The following SV2C variants were observed in gnomAD, a reference collection of about 807,000 sequenced individuals.
SV2C encodes the protein synaptic vesicle glycoprotein 2C.
SV2C carries 49 observed loss-of-function variants against 79.7 expected under a neutral mutation model. The observed-to-expected ratio is 0.61, with a 90% CI of 0.49 to 0.78. The LOEUF is 0.78. SV2C is among the 30% of genes least tolerant of loss of function. SV2C has a pLI of 0.00. For synonymous variants in SV2C, 334 were observed against 333.2 expected, an observed-to-expected ratio of 1.00 and a Z score of -0.03; for missense variants, 833 against 912.9, an observed-to-expected ratio of 0.91 and a Z score of 1.13.
At chr5:76,106,277 C>T (rs1235528032) in intron 1 of SV2C, among the ~76,000 whole-genome samples, 1 of 152,140 alleles carries the variant, frequency 6.6e-6, no homozygotes, top group African/African-American at 2.4e-5. Flanking sequence ...TTGCCACTCC[C>T]ACTGCTGTCT....
At chr5:75,896,213 C>G in the SV2C span, among the ~76,000 whole-genome samples, 5 of 136,580 alleles carry the variant, frequency 3.7e-5, no homozygotes, top group Admixed American at 1.5e-4. Context: ...TCCCTCCCCC[C>G]GCCCCCTACC....
the SV2C span, among the ~76,000 whole-genome samples, chr5:75,899,001 G>C: frequency 6.6e-6 from 1 of 151,608 alleles, no homozygotes; most frequent in East Asian, 1.9e-4. Context: ...CAATTTTGTT[G>C]ATCCTTTCAA....
chr5:76,097,841 A>T (rs1747614740), intron 1 of SV2C, among the ~76,000 whole-genome samples: 1 of 152,162 alleles, frequency 6.6e-6, no homozygotes, highest in Non-Finnish European at 1.5e-5. Context: ...CTTTCTGTGA[A>T]GGCAGTCACA....
chr5:76,274,588 T>A (rs113349869), intron 4 of SV2C, among the ~76,000 whole-genome samples: 5 of 152,148 alleles, frequency 3.3e-5, no homozygotes, highest in African/African-American at 9.7e-5. Flanking sequence ...TTATATGATA[T>A]TCCATTGTAA....
At chr5:75,940,114 G>A in the SV2C span, among the ~76,000 whole-genome samples, 2 of 152,156 alleles carry the variant, frequency 1.3e-5, no homozygotes, top group Non-Finnish European at 2.9e-5. Flanking sequence ...TCCAGTACAA[G>A]CACTATGCTT....
At chr5:76,003,822 G>T in the SV2C span, among the ~76,000 whole-genome samples, 68 of 152,140 alleles carry the variant, frequency 4.5e-4, 1 homozygote, top group Middle Eastern at 0.014. Flanking sequence ...GGGCCATAGG[G>T]TGTGGAGCTC....
At chr5:75,849,873 A>G in the SV2C span, among the ~76,000 whole-genome samples, 3 of 152,168 alleles carry the variant, frequency 2.0e-5, no homozygotes, top group Non-Finnish European at 2.9e-5. Flanking sequence ...TTTAGGACAT[A>G]GTATGCCTTT....
the SV2C span, chr5:75,921,600 C>G: frequency 1.0e-6 from 1 of 971,348 alleles, no homozygotes; most frequent in Non-Finnish European, 1.6e-6. Flanking sequence ...TAGGAGGTGA[C>G]AATTGTGTTC....
upstream of SV2C, among the ~76,000 whole-genome samples, chr5:76,078,387 G>C (rs1440329745): frequency 6.6e-6 from 1 of 152,166 alleles, no homozygotes; most frequent in Non-Finnish European, 1.5e-5. Context: ...ATAGTCAGAG[G>C]GTTTCAGGAG....
chr5:75,900,713 A>G, the SV2C span, among the ~76,000 whole-genome samples: 81 of 151,936 alleles, frequency 5.3e-4, 1 homozygote, highest in African/African-American at 1.9e-3. Flanking sequence ...CACCAATCTG[A>G]TTGTACACCA....
rs1749114249 is a variant in SV2C, at chr5:76,329,594, A to G, written c.*4047A>G. 6.6e-6 allele frequency: 1 copy of G among 152,250 alleles called. No homozygotes were observed. Among genetic ancestry groups the G allele is most frequent in the Non-Finnish European group, 1.5e-5 (1 of 68,056 alleles). The allele number at this position is 152,250 out of a possible 1,614,324, so 9.4% of individuals were successfully genotyped here. A position where few individuals can be genotyped will look rare whatever the true frequency, so the allele number is the denominator to read the frequency against. On this transcript the variant is annotated 3_prime_UTR_variant, in exon 13 of 13. Transcript: ENST00000502798. ...TCCAAGATACCACTGATAAGGTTCC[A>G]GCAAAGAGATTAGGACACAGCAGAG...
chr5:75,967,444 G>A, the SV2C span, among the ~76,000 whole-genome samples: 1 of 152,176 alleles, frequency 6.6e-6, no homozygotes, highest in Admixed American at 6.5e-5. Flanking sequence ...GTGATGGACG[G>A]CACCTGGAAA....
chr5:75,865,550 G>A, the SV2C span, among the ~76,000 whole-genome samples: 9,737 of 152,278 alleles, frequency 0.064, 352 homozygotes, highest in Admixed American at 0.084. Context: ...GAAGAGCTGT[G>A]AACAGTACAT....
the SV2C span, among the ~76,000 whole-genome samples, chr5:75,989,759 A>G: frequency 1.3e-5 from 2 of 152,018 alleles, no homozygotes; most frequent in East Asian, 1.9e-4. Context: ...TAGAGTGTAA[A>G]AGCATTCCTA....
chr5:75,921,103 A>G, the SV2C span: 1 of 796,500 alleles, frequency 1.3e-6, no homozygotes, highest in Non-Finnish European at 2.1e-6. Context: ...GGGTGAGGGC[A>G]TTGTGCACGG....
At chr5:75,972,227 A>T in the SV2C span, among the ~76,000 whole-genome samples, 3 of 152,142 alleles carry the variant, frequency 2.0e-5, no homozygotes, top group African/African-American at 7.3e-5. Flanking sequence ...AAAACCCTAG[A>T]AGAAAACCTA....
the SV2C span, among the ~76,000 whole-genome samples, chr5:76,064,762 A>G: frequency 2.6e-5 from 4 of 152,176 alleles, no homozygotes; most frequent in Non-Finnish European, 5.9e-5. Flanking sequence ...ACCTTTCCCT[A>G]ACCTTTCCTC....
intron 1 of SV2C, among the ~76,000 whole-genome samples, chr5:76,129,023 T>G (rs1210701357): frequency 6.6e-6 from 1 of 152,216 alleles, no homozygotes; most frequent in Non-Finnish European, 1.5e-5. Flanking sequence ...CATAGAATTA[T>G]AACTCTGCCC....
the SV2C span, among the ~76,000 whole-genome samples, chr5:76,034,561 G>A: frequency 6.6e-6 from 1 of 152,128 alleles, no homozygotes; most frequent in African/African-American, 2.4e-5. Flanking sequence ...TTATTGATTT[G>A]CGTATATTGA....
Sources: allele counts gnomAD v4.1 joint callset (sites outside exome capture counted in the v4.1 genomes callset), GRCh38; gene constraint gnomAD v4.1.1; transcripts MANE v1.5; gene names NCBI Gene and HGNC (gene_info 2026-07-23, HGNC 2026-07-21).